Variants in FILIP1 observed in about 807,000 individuals in gnomAD.
The protein encoded by FILIP1 is filamin-A-interacting protein 1.
In FILIP1, 61 loss-of-function variants were observed where a neutral mutation model predicts 102.1. The observed-to-expected ratio is 0.60, with a 90% CI of 0.49 to 0.74. The LOEUF is 0.74. FILIP1 is among the 30% of genes least tolerant of loss of function. The pLI, the probability that FILIP1 is intolerant of heterozygous loss-of-function variation, is 0.00. For synonymous variants in FILIP1, 491 were observed against 526.9 expected, an observed-to-expected ratio of 0.93 and a Z score of 0.93; for missense variants, 1,314 against 1,441.2, an observed-to-expected ratio of 0.91 and a Z score of 1.43.
At chr6:75,424,605 T>C (rs761766524) in intron 1 of FILIP1, among the ~76,000 whole-genome samples, 1 of 152,204 alleles carries the variant, frequency 6.6e-6, no homozygotes, top group Non-Finnish European at 1.5e-5. Context: ...AATTCTAGTC[T>C]GTGGATTAAT....
chr6:75,349,288 G>A (rs1219036377), intron 4 of FILIP1, among the ~76,000 whole-genome samples: 2 of 152,062 alleles, frequency 1.3e-5, no homozygotes, highest in South Asian at 4.2e-4. Context: ...TACAGAGCAG[G>A]ACAAATGTGG....
intron 2 of FILIP1, among the ~76,000 whole-genome samples, chr6:75,413,917 C>T (rs1777163604): frequency 6.7e-6 from 1 of 150,202 alleles, no homozygotes; most frequent in Non-Finnish European, 1.5e-5. Context: ...GAGGGAGGGA[C>T]ATGGCTCATG....
chr6:75,315,258 C>A, intron 4 of FILIP1, 56 bp from the exon 5 acceptor site: 2 of 1,167,612 alleles, frequency 1.7e-6, no homozygotes, highest in Non-Finnish European at 2.3e-6. Flanking sequence ...CAGATTTAAG[C>A]ATTGATATTA....
At position 75,400,999 on chromosome 6, in the gene FILIP1, C is replaced by T. The variant is rs72887225; in HGVS notation, c.276+13698G>A. ...AAGTTTGTACTTAACATCTATAAAG[C>T]GTTTAAGTGTCCTTTTTAAAAAAAA... On this transcript the variant is annotated intron_variant, in intron 2 of 5. Coordinates refer to ENST00000237172, the MANE Select transcript of FILIP1 (RefSeq NM_015687.5). 2.8e-3 allele frequency among the ~76,000 whole-genome samples: 417 copies of T among 150,308 alleles called. 5 individuals are homozygous for T. Among genetic ancestry groups the T allele is most frequent in the Non-Finnish European group, 3.0e-3 (205 of 67,406 alleles).
At chr6:75,462,951 T>C (rs1318936403) in intron 1 of FILIP1, among the ~76,000 whole-genome samples, 1 of 152,226 alleles carries the variant, frequency 6.6e-6, no homozygotes, top group African/African-American at 2.4e-5. Flanking sequence ...GGTCAAAGAC[T>C]GTAGCTACTC....
chr6:75,412,566 G>A (rs1027617162), intron 2 of FILIP1, among the ~76,000 whole-genome samples: 11 of 152,032 alleles, frequency 7.2e-5, no homozygotes, highest in African/African-American at 2.2e-4. Flanking sequence ...ATTTTTACCA[G>A]TCCACCCACA....
In FILIP1 at chr6:75,490,935, A is replaced by G. The variant is rs536330440; in HGVS notation, c.-7+2479T>C. ...CAGATATCTAGAGCCACAAATGTGA[A>G]TGGAACATCCACAATGTGCCTGCAG... On this transcript the variant is annotated intron_variant, in intron 1 of 5. Transcript: ENST00000237172. Among the ~76,000 whole-genome samples, 32 of 152,254 alleles carry G rather than the reference A, an allele frequency of 2.1e-4. 1 individual carries two copies. In the South Asian group the frequency reaches 5.4e-3, roughly 26 times the overall value.
chr6:75,434,455 T>C (rs1777945403), intron 1 of FILIP1, among the ~76,000 whole-genome samples: 1 of 152,196 alleles, frequency 6.6e-6, no homozygotes, highest in African/African-American at 2.4e-5. Context: ...GTAGCAATTG[T>C]GAATGGGAGT....
chr6:75,406,239 G>A (rs1023258613), intron 2 of FILIP1, among the ~76,000 whole-genome samples: 12 of 152,110 alleles, frequency 7.9e-5, no homozygotes, highest in Non-Finnish European at 1.6e-4. Flanking sequence ...TTTGTAGTCT[G>A]TAAATGGAGG....
intron 4 of FILIP1, among the ~76,000 whole-genome samples, chr6:75,342,490 GA>G (rs1774446511): frequency 6.6e-6 from 1 of 152,226 alleles, no homozygotes; most frequent in Non-Finnish European, 1.5e-5. Context: ...ACAGGTAACA[GA>G]AACTTCATCT....
rs1554204920 is a variant in FILIP1 at position 75,372,722 on chromosome 6, G to GAA, written c.277-9806_277-9805insTT. On this transcript the variant is annotated intron_variant, in intron 2 of 5. Coordinates refer to ENST00000237172, the MANE Select transcript of FILIP1 (RefSeq NM_015687.5). ...GAAAGAAAGAAAGAAAGGAAAGAAA[G>GAA]AGAAAGAGAAAGAAAGAAAGAAAGA... is the stretch of plus-strand genomic sequence containing the variant. 5.9e-4 allele frequency among the ~76,000 whole-genome samples: 39 copies of GAA among 65,926 alleles called. 3 individuals carry two copies. The highest frequency in any genetic ancestry group is 3.3e-3 in the East Asian group (7 of 2,108). The allele number at this position is 65,926 out of a possible 152,430, so 43.3% of individuals were successfully genotyped here. A position where few individuals can be genotyped will look rare whatever the true frequency, so the allele number is the denominator to read the frequency against.
intron 1 of FILIP1, among the ~76,000 whole-genome samples, chr6:75,423,724 A>G (rs1019903728): frequency 1.3e-5 from 2 of 152,092 alleles, no homozygotes; most frequent in Non-Finnish European, 2.9e-5. Context: ...GTTTTGCCTC[A>G]TCCGCCATAC....
intron 1 of FILIP1, among the ~76,000 whole-genome samples, chr6:75,479,707 A>AATAATACAAAAATT (rs1283293604): frequency 1.3e-5 from 2 of 151,872 alleles, no homozygotes; most frequent in Admixed American, 6.6e-5. Flanking sequence ...AATCTCTACT[A>AATAATACAAAAATT]ATAATACAAA....
At chr6:75,454,262 C>T (rs1291362535) in intron 1 of FILIP1, among the ~76,000 whole-genome samples, 2 of 152,124 alleles carry the variant, frequency 1.3e-5, no homozygotes, top group Non-Finnish European at 2.9e-5. Flanking sequence ...CTAAAATTCT[C>T]CCCTTGATCC....
At chr6:75,444,689 C>T (rs1467341562) in intron 1 of FILIP1, among the ~76,000 whole-genome samples, 1 of 152,090 alleles carries the variant, frequency 6.6e-6, no homozygotes, top group East Asian at 1.9e-4. Flanking sequence ...TTATTAATAA[C>T]GAAGCTTAAA....
chr6:75,319,389 G>T, intron 4 of FILIP1: 1 of 627,440 alleles, frequency 1.6e-6, no homozygotes. Flanking sequence ...GGGTGCCCTG[G>T]AGTCCTTGAA....
intron 1 of FILIP1, among the ~76,000 whole-genome samples, chr6:75,441,280 A>C (rs1236809107): frequency 6.6e-6 from 1 of 152,096 alleles, no homozygotes; most frequent in Non-Finnish European, 1.5e-5. Flanking sequence ...CACATGTTTC[A>C]GAGAGCACAG....
intron 1 of FILIP1, among the ~76,000 whole-genome samples, chr6:75,436,101 A>G (rs1011754872): frequency 6.6e-6 from 1 of 152,166 alleles, no homozygotes; most frequent in African/African-American, 2.4e-5. Flanking sequence ...GGCTGGGTAC[A>G]GTGGCTCATG....
At chr6:75,294,018 T>C (rs1772607107) in exon 7 of FILIP1, 1 of 152,206 alleles carries the variant, frequency 6.6e-6, no homozygotes, top group Non-Finnish European at 1.5e-5. Flanking sequence ...TCATTCAAGC[T>C]ATGGCAAGCC....
Sources: gnomAD v4.1 joint callset for allele counts (sites outside exome capture counted in the v4.1 genomes callset) on GRCh38, gnomAD v4.1.1 for gene constraint, MANE v1.5 for transcripts, NCBI Gene and HGNC (gene_info 2026-07-23, HGNC 2026-07-21) for gene names.